The following MMP26 variants were observed in gnomAD, a reference collection of about 807,000 sequenced individuals.
MMP26 encodes matrix metallopeptidase 26.
MMP26 carries 33 observed loss-of-function variants against 31.0 expected under a neutral mutation model. The observed-to-expected ratio is 1.06, with a 90% CI of 0.81 to 1.42. The LOEUF (loss-of-function observed/expected upper bound fraction) is 1.42. Among genes scored for constraint, MMP26 ranks in the 40% most tolerant of loss-of-function variants. The pLI is 0.00. For missense variants in MMP26, 347 were observed against 316.1 expected, an observed-to-expected ratio of 1.10 and a Z score of -0.74; for synonymous variants, 122 against 114.9, an observed-to-expected ratio of 1.06 and a Z score of -0.40.
At chr11:4,848,433 T>C (rs1449097037) in intron 2 of MMP26, 8 of 1,613,992 alleles carry the variant, frequency 5.0e-6, no homozygotes, top group South Asian at 3.3e-5. Context: ...CATAGGGATA[T>C]AGAAGAGGAG....
intron 1 of MMP26, chr11:4,752,223 T>C (rs1399857868): frequency 6.6e-6 from 1 of 152,196 alleles, no homozygotes; most frequent in Non-Finnish European, 1.5e-5. Flanking sequence ...CAAAGGGATG[T>C]AGAATATGCC....
intron 2 of MMP26, among the ~76,000 whole-genome samples, chr11:4,967,649 C>A (rs1290229990): frequency 6.6e-6 from 1 of 152,094 alleles, no homozygotes; most frequent in Non-Finnish European, 1.5e-5. Context: ...ATAAAGTCAA[C>A]CTTGCTTCCT....
chr11:4,985,294 T>G (rs1564819378), intron 2 of MMP26, among the ~76,000 whole-genome samples: 2 of 152,218 alleles, frequency 1.3e-5, no homozygotes, highest in Admixed American at 6.5e-5. Context: ...TATATCACCA[T>G]GAGATTTTAG....
At chr11:4,850,417 T>C (rs1849958704) in intron 2 of MMP26, among the ~76,000 whole-genome samples, 9 of 152,150 alleles carry the variant, frequency 5.9e-5, no homozygotes, top group Admixed American at 4.6e-4. Context: ...CCACCATTAA[T>C]CAATTTCCCA....
intron 2 of MMP26, among the ~76,000 whole-genome samples, chr11:4,966,539 T>C (rs1397610061): frequency 6.6e-6 from 1 of 152,088 alleles, no homozygotes; most frequent in Non-Finnish European, 1.5e-5. Flanking sequence ...AACACAGAAA[T>C]CCTAAAGTTG....
At chr11:4,747,070 G>T (rs554948381) in intron 1 of MMP26, among the ~76,000 whole-genome samples, 1 of 152,090 alleles carries the variant, frequency 6.6e-6, no homozygotes, top group Non-Finnish European at 1.5e-5. Flanking sequence ...GAGTAATTGC[G>T]GTAGGGTTCT....
chr11:4,721,012 A>C (rs555706476), intron 1 of MMP26, among the ~76,000 whole-genome samples: 1 of 152,370 alleles, frequency 6.6e-6, no homozygotes, highest in East Asian at 1.9e-4. Flanking sequence ...TGATAGGGAC[A>C]ACAAGCAAAC....
At chr11:4,906,882 G>A (rs1290755169) in intron 2 of MMP26, among the ~76,000 whole-genome samples, 1 of 152,046 alleles carries the variant, frequency 6.6e-6, no homozygotes, top group South Asian at 2.1e-4. Context: ...CCTGTGTCAG[G>A]AGTTCAAGAC....
chr11:4,900,787 C>G (rs575607971), intron 2 of MMP26, among the ~76,000 whole-genome samples: 1 of 152,192 alleles, frequency 6.6e-6, no homozygotes, highest in Non-Finnish European at 1.5e-5. Context: ...CTCCTTCCAA[C>G]AGCCTGGTCA....
intron 1 of MMP26, among the ~76,000 whole-genome samples, chr11:4,709,129 C>T (rs1847823953): frequency 6.6e-6 from 1 of 151,884 alleles, no homozygotes; most frequent in Admixed American, 6.6e-5. Context: ...TTTAATGCAC[C>T]TTAGGGTTTT....
chr11:4,916,506 T>C (rs1431242482), intron 2 of MMP26, among the ~76,000 whole-genome samples: 1 of 152,208 alleles, frequency 6.6e-6, no homozygotes, highest in African/African-American at 2.4e-5. Context: ...GTGCTTTCTT[T>C]GTTATAGTTT....
intron 2 of MMP26, chr11:4,882,558 A>C (rs762621077): frequency 6.2e-7 from 1 of 1,613,734 alleles, no homozygotes; most frequent in South Asian, 1.1e-5. Flanking sequence ...CTTTTCTCCT[A>C]TGTCCTGATC....
chr11:4,924,376 G>T, intron 2 of MMP26: 2 of 1,542,002 alleles, frequency 1.3e-6, no homozygotes, highest in Non-Finnish European at 1.7e-6. Context: ...CTGGAATATA[G>T]AATGAGATTC....
At chr11:4,969,365 C>G (rs1846636339) in intron 2 of MMP26, among the ~76,000 whole-genome samples, 1 of 151,924 alleles carries the variant, frequency 6.6e-6, no homozygotes, top group South Asian at 2.1e-4. Flanking sequence ...TAGAAATGAC[C>G]TAGATACTTA....
intron 2 of MMP26, among the ~76,000 whole-genome samples, chr11:4,834,165 T>C (rs547185439): frequency 2.6e-5 from 4 of 152,266 alleles, no homozygotes; most frequent in Admixed American, 2.6e-4. Context: ...GCATGCCTCA[T>C]AGTAAGAAGT....
chr11:4,764,683 CTA>C (rs1485748057), intron 1 of MMP26, among the ~76,000 whole-genome samples: 1 of 152,202 alleles, frequency 6.6e-6, no homozygotes, highest in African/African-American at 2.4e-5. Flanking sequence ...ATCTTGGCTA[CTA>C]ACACGGTGAA....
chr11:4,940,285 A>G (rs972123605), intron 2 of MMP26, among the ~76,000 whole-genome samples: 5 of 152,108 alleles, frequency 3.3e-5, no homozygotes, highest in Admixed American at 6.6e-5. Context: ...GCATGCCTGG[A>G]TGGACATTCC....
intron 1 of MMP26, among the ~76,000 whole-genome samples, chr11:4,728,396 G>A (rs1848131020): frequency 6.6e-6 from 1 of 152,156 alleles, no homozygotes; most frequent in Non-Finnish European, 1.5e-5. Context: ...CCACACCCAA[G>A]TTTACTATGG....
intron 1 of MMP26, among the ~76,000 whole-genome samples, chr11:4,757,381 G>A (rs1848517726): frequency 6.6e-6 from 1 of 151,456 alleles, no homozygotes; most frequent in Admixed American, 6.6e-5. Flanking sequence ...GAAACTTCTA[G>A]AAAAAAAATC....
Sources: gnomAD v4.1 joint callset for allele counts (sites outside exome capture counted in the v4.1 genomes callset) on GRCh38, gnomAD v4.1.1 for gene constraint, MANE v1.5 for transcripts, NCBI Gene and HGNC (gene_info 2026-07-23, HGNC 2026-07-21) for gene names.